PHF21B: variants seen among roughly 807,000 people sequenced by gnomAD.
PHF21B encodes the protein PHD finger protein 4.
In PHF21B, 22 loss-of-function variants were observed where a neutral mutation model predicts 62.2. That is an observed-to-expected ratio of 0.35 (90% CI 0.25 to 0.51). The LOEUF is 0.51. Among genes scored for constraint, PHF21B ranks in the 20% least tolerant of loss-of-function variants. The pLI, the probability that PHF21B is intolerant of heterozygous loss-of-function variation, is 0.97. For missense variants in PHF21B, 701 were observed against 707.9 expected (o/e 0.99, Z 0.11); for synonymous variants, 341 against 314.7 (o/e 1.08, Z -0.88).
chr22:44,927,964 G>A lies in PHF21B; in HGVS notation c.121-7474C>T, dbSNP rs141276359. Reference sequence around the variant, plus strand: ...GCCATGGCTGAGTCTGGGGCGGGGCGGGGCACAGCTGGGGAAATCTCTAGG... The same window carrying A: ...GCCATGGCTGAGTCTGGGGCGGGGCAGGGCACAGCTGGGGAAATCTCTAGG... On this transcript the variant is annotated intron_variant, in intron 2 of 12. Transcript: ENST00000313237. 1.1e-3 allele frequency among the ~76,000 whole-genome samples: 164 copies of A among 152,274 alleles called. 1 individual carries two copies. The highest frequency in any genetic ancestry group is 3.8e-3 in the African/African-American group (159 of 41,538).
At chr22:44,972,240 C>T (rs1423539971) in intron 2 of PHF21B, among the ~76,000 whole-genome samples, 2 of 152,232 alleles carry the variant, frequency 1.3e-5, no homozygotes, top group African/African-American at 2.4e-5. Context: ...TTTCCCAGAC[C>T]TGATCGCTTT....
chr22:44,920,331 G>A lies in PHF21B; in HGVS notation c.213+67C>T, dbSNP rs572891105. 2.2e-4 allele frequency: 301 copies of A among 1,347,436 alleles called. 1 individual carries two copies. In the African/African-American group the frequency reaches 4.1e-3, roughly 18 times the overall value. 83.5% of individuals were successfully genotyped at this position (1,347,436 alleles called of 1,614,324 possible). On this transcript the variant is annotated intron_variant, in intron 3 of 12. Transcript: ENST00000313237. ...GCCCACCAGAAACCTCAGTGCTGAGGGGTTAGGAACAGAGACTGCGGGGAC... is the reference window on the plus strand; with the variant it reads ...GCCCACCAGAAACCTCAGTGCTGAGAGGTTAGGAACAGAGACTGCGGGGAC...
At chr22:44,933,362 C>T (rs1354938842) in intron 2 of PHF21B, 5 of 719,554 alleles carry the variant, frequency 6.9e-6, no homozygotes, top group East Asian at 1.3e-4. Context: ...CCGTCCGCCT[C>T]GGCCTCCGAA....
rs560083500 is a variant in PHF21B at position 44,997,882 on chromosome 22, C to T, written c.120+10663G>A. 2.5e-4 allele frequency among the ~76,000 whole-genome samples: 38 copies of T among 152,332 alleles called. No individual in the cohort carries two copies. In the East Asian group the frequency reaches 6.2e-3, roughly 25 times the overall value. ...ACCCCTCTGCTGCCGCTTCGCATAA[C>T]GGAGGCCCGCCCTTCCAAATTGCCA... On this transcript the variant is annotated intron_variant, in intron 2 of 12. Coordinates refer to ENST00000313237, the MANE Select transcript of PHF21B (RefSeq NM_138415.5).
intron 2 of PHF21B, chr22:44,989,647 T>C (rs989944950): frequency 1.5e-5 from 2 of 129,342 alleles, no homozygotes; most frequent in South Asian, 2.5e-4. Context: ...TCTCACTCTG[T>C]CACCCAGGCT....
chr22:44,947,571 C>G (rs1271102651), intron 2 of PHF21B, among the ~76,000 whole-genome samples: 1 of 151,878 alleles, frequency 6.6e-6, no homozygotes, highest in Admixed American at 6.5e-5. Flanking sequence ...AGAGCACTCA[C>G]CGCAGCCCCG....
chr22:44,982,963 G>T (rs903703404), intron 2 of PHF21B, among the ~76,000 whole-genome samples: 1 of 152,158 alleles, frequency 6.6e-6, no homozygotes, highest in Non-Finnish European at 1.5e-5. Context: ...TATGCAAGGG[G>T]CCGGGCGCGG....
intron 2 of PHF21B, among the ~76,000 whole-genome samples, chr22:44,959,002 C>T (rs1222587840): frequency 2.0e-5 from 3 of 151,948 alleles, no homozygotes; most frequent in East Asian, 3.9e-4. Context: ...GTTCCATGGC[C>T]GGCCCCGCTG....
At chr22:44,951,793 C>T (rs2072199928) in intron 2 of PHF21B, among the ~76,000 whole-genome samples, 1 of 152,166 alleles carries the variant, frequency 6.6e-6, no homozygotes, top group Non-Finnish European at 1.5e-5. Context: ...GGTCTGCACC[C>T]AGGAGTGGAA....
intron 2 of PHF21B, among the ~76,000 whole-genome samples, chr22:44,949,091 C>G (rs1437117637): frequency 6.6e-6 from 1 of 152,144 alleles, no homozygotes; most frequent in Non-Finnish European, 1.5e-5. Context: ...CACCTGAGGT[C>G]AGGAGTTCAG....
At chr22:44,910,515 C>T (rs1205920549) in intron 5 of PHF21B, among the ~76,000 whole-genome samples, 1 of 152,132 alleles carries the variant, frequency 6.6e-6, no homozygotes, top group African/African-American at 2.4e-5. Flanking sequence ...TGGGGCGGGT[C>T]TTTCCTGTGC....
rs184098627 is a variant in PHF21B, at chr22:44,919,872, C to T, written c.213+526G>A. Among the ~76,000 whole-genome samples the T allele has an allele frequency of 3.7e-3, 560 of 152,362 alleles. 3 individuals carry two copies. Among genetic ancestry groups the T allele is most frequent in the African/African-American group, 0.013 (526 of 41,594 alleles). On this transcript the variant is annotated intron_variant, in intron 3 of 12. Transcript: ENST00000313237. Reference sequence around the variant, plus strand: ...CAGTCCCTCTGCAGGTGAGAAGCCTCGGCCCAGGAAGGCTGAGAGGTCAGG... The same window carrying T: ...CAGTCCCTCTGCAGGTGAGAAGCCTTGGCCCAGGAAGGCTGAGAGGTCAGG...
chr22:44,951,756 T>C (rs1018667081), intron 2 of PHF21B, among the ~76,000 whole-genome samples: 26 of 152,218 alleles, frequency 1.7e-4, no homozygotes, highest in African/African-American at 6.3e-4. Context: ...CACCTTTTTT[T>C]TGGTGAGTCA....
At chr22:44,981,693 G>A (rs984267525) in intron 2 of PHF21B, among the ~76,000 whole-genome samples, 4 of 152,194 alleles carry the variant, frequency 2.6e-5, no homozygotes, top group Non-Finnish European at 5.9e-5. Context: ...AGGAGGGGAG[G>A]GAGGGGACAC....
chr22:44,893,473 C>A lies in PHF21B; in HGVS notation c.944G>T (p.Gly315Val). The A allele has an allele frequency of 6.2e-7, 1 of 1,600,616 alleles. No individual in the cohort carries two copies. The highest frequency in any genetic ancestry group is 8.5e-7 in the Non-Finnish European group (1 of 1,173,898). Residue 315 changes from glycine (G) to valine (V), a missense_variant, in exon 7 of 13, where the codon GGC (glycine) becomes GTC (valine). By Grantham distance (109) the Gly-to-Val change is moderately radical. Transcript: ENST00000313237. Reference sequence around the variant, plus strand: ...GTTCCCCACCTCGGTCTCCAGGAGGCCGCTGTAGGCAGGGTTGGCTGTGCT... The same window carrying A: ...GTTCCCCACCTCGGTCTCCAGGAGGACGCTGTAGGCAGGGTTGGCTGTGCT... ...RRSTANPAYSGLLETERKRLA... is the reference protein window; with the variant it reads ...RRSTANPAYSVLLETERKRLA...
chr22:44,949,244 T>C (rs1487931785), intron 2 of PHF21B, among the ~76,000 whole-genome samples: 2 of 139,850 alleles, frequency 1.4e-5, no homozygotes, highest in Non-Finnish European at 3.0e-5. Context: ...GAGGTTGCGG[T>C]GAGCCAAGAT....
At chr22:44,984,217 ACCACCATCACCATCACCACCCTCAT>A in intron 2 of PHF21B, among the ~76,000 whole-genome samples, 2 of 148,592 alleles carry the variant, frequency 1.3e-5, no homozygotes, top group African/African-American at 2.5e-5. Context: ...CATCATCACC[ACCACCATCACCATCACCACCCTCAT>A]TACCACCACC....
chr22:44,944,037 A>G (rs758804657), intron 2 of PHF21B, among the ~76,000 whole-genome samples: 3 of 152,148 alleles, frequency 2.0e-5, no homozygotes, highest in Non-Finnish European at 4.4e-5. Context: ...ACCTGGCTTC[A>G]ACCCAGCTCC....
At chr22:44,986,918 G>A (rs1329452890) in intron 2 of PHF21B, among the ~76,000 whole-genome samples, 1 of 152,038 alleles carries the variant, frequency 6.6e-6, no homozygotes, top group African/African-American at 2.4e-5. Context: ...AGGTGCAGGT[G>A]GGGTCCTGGA....
Sources: allele counts gnomAD v4.1 joint callset (sites outside exome capture counted in the v4.1 genomes callset), GRCh38; gene constraint gnomAD v4.1.1; transcripts MANE v1.5; gene names NCBI Gene and HGNC (gene_info 2026-07-23, HGNC 2026-07-21).